Variants in NRXN3 observed in about 807,000 individuals in gnomAD.
NRXN3 encodes neurexin III.
A neutral mutation model predicts 137.6 loss-of-function variants in NRXN3; 32 were observed. The observed-to-expected ratio is 0.23, with a 90% CI of 0.18 to 0.31. The LOEUF (loss-of-function observed/expected upper bound fraction) is 0.31, where lower values mean the gene tolerates loss of function less well. Among genes scored for constraint, NRXN3 ranks in the 10% least tolerant of loss-of-function variants. NRXN3 has a pLI of 1.00. For missense variants in NRXN3, 1,574 were observed against 2,062.5 expected (o/e 0.76, Z 4.59); for synonymous variants, 798 against 784.5 (o/e 1.02, Z -0.29).
At chr14:79,680,553 C>A (rs1474890033) in intron 17 of NRXN3, among the ~76,000 whole-genome samples, 1 of 151,718 alleles carries the variant, frequency 6.6e-6, no homozygotes, top group East Asian at 1.9e-4. Flanking sequence ...GGAGGAGTGC[C>A]TTTCTAGTCT....
intron 10 of NRXN3, among the ~76,000 whole-genome samples, chr14:78,828,864 C>T (rs2098974211): frequency 6.6e-6 from 1 of 152,130 alleles, no homozygotes; most frequent in East Asian, 1.9e-4. Flanking sequence ...ATGCCAAATG[C>T]AATAAATAAA....
At chr14:78,881,857 G>A (rs555738126) in intron 10 of NRXN3, among the ~76,000 whole-genome samples, 2 of 151,680 alleles carry the variant, frequency 1.3e-5, no homozygotes, top group South Asian at 2.1e-4. Context: ...ATGATAATGG[G>A]GAAAATGTCT....
At chr14:78,181,057 C>T (rs570546216) in intron 1 of NRXN3, among the ~76,000 whole-genome samples, 11 of 152,334 alleles carry the variant, frequency 7.2e-5, no homozygotes, top group Admixed American at 7.2e-4. Context: ...GGAACAGCCT[C>T]TCCTGCAAAG....
intron 15 of NRXN3, among the ~76,000 whole-genome samples, chr14:79,057,205 A>G (rs1365271460): frequency 2.0e-5 from 3 of 152,240 alleles, no homozygotes; most frequent in African/African-American, 7.2e-5. Context: ...GTCATGCAGC[A>G]CATTAGCCAG....
intron 20 of NRXN3, among the ~76,000 whole-genome samples, chr14:79,846,086 A>G (rs543044065): frequency 6.6e-6 from 1 of 152,268 alleles, no homozygotes; most frequent in Non-Finnish European, 1.5e-5. Flanking sequence ...ACCATAACAG[A>G]TACAGTAAGA....
intron 15 of NRXN3, among the ~76,000 whole-genome samples, chr14:79,258,715 CA>C (rs1469805807): frequency 6.6e-6 from 1 of 152,142 alleles, no homozygotes; most frequent in African/African-American, 2.4e-5. Context: ...TTGTTGGTGA[CA>C]AACTCAAGTA....
At chr14:79,653,678 A>G (rs371567470) in intron 16 of NRXN3, among the ~76,000 whole-genome samples, 1 of 152,104 alleles carries the variant, frequency 6.6e-6, no homozygotes, top group African/African-American at 2.4e-5. Context: ...GAGCTTTTGT[A>G]GATCCTCTTA....
rs2099415633 is a variant in NRXN3 at position 79,862,867 on chromosome 14, A to C, written c.*903A>C. ...ATGGGTTTAGGGCTGGTGTTATCAG[A>C]GCTATTGGCTTTACGTAACAATATT... On this transcript the variant is annotated 3_prime_UTR_variant, in exon 21 of 21. Coordinates refer to ENST00000335750, the MANE Select transcript of NRXN3 (RefSeq NM_001330195.2). 1 of 152,502 alleles carries C rather than the reference A, an allele frequency of 6.6e-6. No homozygotes were observed. 9.4% of individuals were successfully genotyped at this position (152,502 alleles called of 1,614,324 possible).
intron 15 of NRXN3, among the ~76,000 whole-genome samples, chr14:79,350,922 A>T (rs570008052): frequency 8.5e-5 from 13 of 152,268 alleles, no homozygotes; most frequent in African/African-American, 3.1e-4. Flanking sequence ...CTTTTTATAA[A>T]TGTTGTGCTT....
At chr14:78,774,698 G>A (rs960005395) in intron 8 of NRXN3, among the ~76,000 whole-genome samples, 4 of 152,066 alleles carry the variant, frequency 2.6e-5, no homozygotes, top group African/African-American at 7.2e-5. Flanking sequence ...CAGGCAGATC[G>A]CTTGAGGCCA....
intron 19 of NRXN3, among the ~76,000 whole-genome samples, chr14:79,757,799 C>T (rs2099024782): frequency 6.6e-6 from 1 of 152,108 alleles, no homozygotes; most frequent in Non-Finnish European, 1.5e-5. Context: ...TTAAATCACT[C>T]TCAACTTTTT....
At chr14:79,811,546 C>T (rs28724578) in intron 20 of NRXN3, among the ~76,000 whole-genome samples, 1 of 150,702 alleles carries the variant, frequency 6.6e-6, no homozygotes, top group African/African-American at 2.4e-5. Flanking sequence ...GTTAACCCAC[C>T]AAGTTATTTC....
chr14:78,431,138 AC>A (rs1318392731), intron 4 of NRXN3, among the ~76,000 whole-genome samples: 4 of 152,354 alleles, frequency 2.6e-5, no homozygotes, highest in African/African-American at 9.6e-5. Flanking sequence ...TCTGAAGCAG[AC>A]CAGCAAGGCA....
intron 4 of NRXN3, among the ~76,000 whole-genome samples, chr14:78,502,166 T>C (rs1258088328): frequency 6.6e-6 from 1 of 152,108 alleles, no homozygotes; most frequent in Non-Finnish European, 1.5e-5. Context: ...GGCCTGTCCA[T>C]CTCCTAGTCC....
At chr14:78,640,507 A>G (rs900227640) in intron 4 of NRXN3, among the ~76,000 whole-genome samples, 3 of 152,344 alleles carry the variant, frequency 2.0e-5, no homozygotes, top group Middle Eastern at 6.8e-3. Flanking sequence ...ATAAAATATA[A>G]CACTGAGTAT....
intron 16 of NRXN3, among the ~76,000 whole-genome samples, chr14:79,537,664 G>A (rs1315981796): frequency 6.6e-6 from 1 of 152,106 alleles, no homozygotes; most frequent in African/African-American, 2.4e-5. Flanking sequence ...GTGTATATGT[G>A]CCACATTTTC....
At chr14:78,939,106 A>G (rs929340638) in intron 10 of NRXN3, among the ~76,000 whole-genome samples, 1 of 151,886 alleles carries the variant, frequency 6.6e-6, no homozygotes, top group African/African-American at 2.4e-5. Flanking sequence ...CGGCCTCCCA[A>G]AGTGCTGGGA....
At chr14:79,484,268 G>C (rs2153644215) in intron 16 of NRXN3, among the ~76,000 whole-genome samples, 1 of 152,266 alleles carries the variant, frequency 6.6e-6, no homozygotes, top group South Asian at 2.1e-4. Flanking sequence ...TTTGCATACA[G>C]AAGTTAACTC....
chr14:79,242,794 G>A (rs2074516464), intron 15 of NRXN3, among the ~76,000 whole-genome samples: 1 of 152,108 alleles, frequency 6.6e-6, no homozygotes, highest in South Asian at 2.1e-4. Context: ...TACAGCATCT[G>A]CCTGGAAGAT....
Sources: gnomAD v4.1 joint callset for allele counts (sites outside exome capture counted in the v4.1 genomes callset) on GRCh38, gnomAD v4.1.1 for gene constraint, MANE v1.5 for transcripts, NCBI Gene and HGNC (gene_info 2026-07-23, HGNC 2026-07-21) for gene names.